ZSWIM5: variants seen among roughly 807,000 people sequenced by gnomAD.
ZSWIM5 encodes the protein zinc finger SWIM-type containing 5.
Under a neutral mutation model 119.6 loss-of-function variants are expected in ZSWIM5, and 55 were observed. That is an observed-to-expected ratio of 0.46 (90% CI 0.37 to 0.58). The LOEUF is 0.58. ZSWIM5 is among the 20% of genes least tolerant of loss of function. ZSWIM5 has a pLI of 0.00. For missense variants in ZSWIM5, 1,193 were observed against 1,512.8 expected (o/e 0.79, Z 3.51); for synonymous variants, 537 against 606.9 (o/e 0.88, Z 1.69).
At chr1:45,076,931 T>C (rs1333080467) in intron 2 of ZSWIM5, among the ~76,000 whole-genome samples, 3 of 152,046 alleles carry the variant, frequency 2.0e-5, no homozygotes, top group African/African-American at 7.2e-5. Flanking sequence ...ATTTTTCAGC[T>C]CCAGAATTTT....
At chr1:45,195,143 T>C (rs1293833088) in intron 1 of ZSWIM5, among the ~76,000 whole-genome samples, 1 of 152,210 alleles carries the variant, frequency 6.6e-6, no homozygotes, top group Admixed American at 6.5e-5. Flanking sequence ...TTAAACGCCA[T>C]TTTTATATGT....
chr1:45,171,198 G>A (rs1183135035), intron 1 of ZSWIM5, among the ~76,000 whole-genome samples: 5 of 152,014 alleles, frequency 3.3e-5, no homozygotes, highest in African/African-American at 1.2e-4. Context: ...ACTACTCTTT[G>A]TTGGTTTCCA....
intron 1 of ZSWIM5, 148 bp downstream of exon 1, chr1:45,205,607 TG>T: frequency 2.6e-6 from 2 of 763,100 alleles, no homozygotes; most frequent in South Asian, 4.4e-5. Context: ...AGTGAAAGGT[TG>T]AAAAAAGTTT....
At chr1:45,105,402 G>A (rs75420311) in intron 1 of ZSWIM5, among the ~76,000 whole-genome samples, 1 of 152,088 alleles carries the variant, frequency 6.6e-6, no homozygotes, top group East Asian at 1.9e-4. Context: ...GTCTCTGCCC[G>A]GCCGCCCATC....
intron 1 of ZSWIM5, among the ~76,000 whole-genome samples, chr1:45,109,419 A>C (rs1468345766): frequency 1.3e-5 from 2 of 152,168 alleles, no homozygotes; most frequent in African/African-American, 2.4e-5. Flanking sequence ...TTGCTGCTCT[A>C]ACCCAAAGGC....
At chr1:45,028,761 T>A (rs545672757) in intron 11 of ZSWIM5, among the ~76,000 whole-genome samples, 1 of 148,624 alleles carries the variant, frequency 6.7e-6, no homozygotes, top group African/African-American at 2.5e-5. Flanking sequence ...TCTCAAAAAA[T>A]AAAAATAAAA....
chr1:45,152,818 A>T (rs1353014581), intron 1 of ZSWIM5, among the ~76,000 whole-genome samples: 1 of 152,246 alleles, frequency 6.6e-6, no homozygotes, highest in East Asian at 1.9e-4. Flanking sequence ...TAAACAGACA[A>T]CCTACAGAAT....
rs1176896529 is a variant in ZSWIM5 at position 45,090,580 on chromosome 1, A to G, written c.596-2343T>C. 4.6e-5 allele frequency among the ~76,000 whole-genome samples: 7 copies of G among 152,122 alleles called. No individual in the cohort carries two copies. The South Asian group carries it at 1.2e-3, about 27-fold the overall frequency. ...AGCCTCAGCAACATAGCAAAACCCC[A>G]TATCTACAAAAAATCAAAAAAATTT... On this transcript the variant is annotated intron_variant, in intron 1 of 13. Coordinates refer to ENST00000359600, the MANE Select transcript of ZSWIM5 (RefSeq NM_020883.2).
chr1:45,164,500 G>C (rs1645887587), intron 1 of ZSWIM5, among the ~76,000 whole-genome samples: 1 of 152,076 alleles, frequency 6.6e-6, no homozygotes, highest in African/African-American at 2.4e-5. Context: ...TGGGCTAAAT[G>C]CTCCAATTAA....
At chr1:45,165,826 T>C (rs2149043425) in intron 1 of ZSWIM5, among the ~76,000 whole-genome samples, 1 of 152,212 alleles carries the variant, frequency 6.6e-6, no homozygotes, top group East Asian at 1.9e-4. Flanking sequence ...CAATAATTAA[T>C]AGCCTACCAA....
intron 6 of ZSWIM5, among the ~76,000 whole-genome samples, chr1:45,041,013 C>T (rs939094599): frequency 1.3e-5 from 2 of 152,048 alleles, no homozygotes; most frequent in Non-Finnish European, 2.9e-5. Context: ...AATTATAAAG[C>T]AGCTAAAAAG....
intron 2 of ZSWIM5, among the ~76,000 whole-genome samples, chr1:45,081,770 C>T (rs1426760830): frequency 2.0e-5 from 3 of 152,036 alleles, no homozygotes; most frequent in Non-Finnish European, 4.4e-5. Context: ...GCCTGGCCAC[C>T]CATCGTCTGG....
intron 1 of ZSWIM5, among the ~76,000 whole-genome samples, chr1:45,090,069 G>A (rs1645356210): frequency 6.6e-6 from 1 of 152,180 alleles, no homozygotes; most frequent in African/African-American, 2.4e-5. Context: ...CCATCATTGT[G>A]ACCTGGCAGA....
intron 1 of ZSWIM5, among the ~76,000 whole-genome samples, chr1:45,147,497 C>T (rs1336771424): frequency 2.8e-5 from 4 of 144,908 alleles, no homozygotes; most frequent in African/African-American, 1.0e-4. Flanking sequence ...ACGTTTTCTG[C>T]TTTGCAGAAC....
intron 1 of ZSWIM5, among the ~76,000 whole-genome samples, chr1:45,103,607 T>C (rs1645453025): frequency 6.6e-6 from 1 of 152,204 alleles, no homozygotes; most frequent in Non-Finnish European, 1.5e-5. Flanking sequence ...AGTCCTGCAC[T>C]AATAACAAGT....
At chr1:45,138,077 T>C (rs1030882928) in intron 1 of ZSWIM5, among the ~76,000 whole-genome samples, 1 of 152,084 alleles carries the variant, frequency 6.6e-6, no homozygotes, top group African/African-American at 2.4e-5. Flanking sequence ...TAAATATGTA[T>C]CTCCATAAAT....
At chr1:45,192,334 T>G (rs942028340) in intron 1 of ZSWIM5, among the ~76,000 whole-genome samples, 1 of 152,222 alleles carries the variant, frequency 6.6e-6, no homozygotes, top group Non-Finnish European at 1.5e-5. Flanking sequence ...TCTATCTCTA[T>G]GAATTTGCCT....
intron 1 of ZSWIM5, among the ~76,000 whole-genome samples, chr1:45,134,023 A>G (rs1645674918): frequency 6.6e-6 from 1 of 152,108 alleles, no homozygotes; most frequent in African/African-American, 2.4e-5. Flanking sequence ...GCCTTGTAGT[A>G]TAGTTTGAAG....
chr1:45,136,860 A>T lies in ZSWIM5; in HGVS notation c.596-48623T>A, dbSNP rs1048810191. 3.3e-5 allele frequency among the ~76,000 whole-genome samples: 5 copies of T among 152,146 alleles called. No individual in the cohort carries two copies. The East Asian group carries it at 9.6e-4, about 29-fold the overall frequency. ...CAATAAAAAGCCTGGGGTGTTTACCAGGGGCTCTCCTCCTTAGCAGCTCTC... is the reference window on the plus strand; with the variant it reads ...CAATAAAAAGCCTGGGGTGTTTACCTGGGGCTCTCCTCCTTAGCAGCTCTC... On this transcript the variant is annotated intron_variant, in intron 1 of 13. Transcript: ENST00000359600.
Sources: allele counts gnomAD v4.1 joint callset (sites outside exome capture counted in the v4.1 genomes callset), GRCh38; gene constraint gnomAD v4.1.1; transcripts MANE v1.5; gene names NCBI Gene and HGNC (gene_info 2026-07-23, HGNC 2026-07-21).